The following ARF1 variants were observed in gnomAD, a reference collection of about 807,000 sequenced individuals.
The protein encoded by ARF1 is ADP-ribosylation factor 1.
In ARF1, 1 loss-of-function variant was observed where a neutral mutation model predicts 18.0. That is an observed-to-expected ratio of 0.06 (90% CI 0.02 to 0.26). The LOEUF (loss-of-function observed/expected upper bound fraction) is 0.26. Among genes scored for constraint, ARF1 ranks in the 10% least tolerant of loss-of-function variants. The probability of loss-of-function intolerance (pLI) is 1.00; values close to 1 mark genes in which losing one functional copy is unlikely to be tolerated. For missense variants in ARF1, 73 were observed against 247.2 expected, an observed-to-expected ratio of 0.30 and a Z score of 4.73; for synonymous variants, 112 against 96.3, an observed-to-expected ratio of 1.16 and a Z score of -0.95.
rs529619815 is a variant in ARF1, at chr1:228,097,832, C to G, written c.385-20C>G. On this transcript the variant is annotated intron_variant, in intron 4 of 4. Transcript: ENST00000272102. The surrounding 1 kb of genome is among the most constrained non-coding windows in gnomAD (Gnocchi z 8.1). ...TCTGTCCTGTGGACAGCCCTTCCCA[C>G]CAACCCTTCCTTCCCCCAGGACCTC... The G allele has an allele frequency of 6.2e-7, 1 of 1,609,380 alleles. No homozygotes were observed. The highest frequency in any genetic ancestry group is 1.3e-5 in the African/African-American group (1 of 74,908).
chr1:228,095,299 G>A (rs376065457), intron 1 of ARF1, among the ~76,000 whole-genome samples: 8 of 151,516 alleles, frequency 5.3e-5, no homozygotes, highest in Non-Finnish European at 1.2e-4. Context: ...GGGGGTGGGC[G>A]GAGCTCCAGT....
chr1:228,097,742 T>C lies in ARF1; in HGVS notation c.384+27T>C, dbSNP rs752915360. The C allele has an allele frequency of 2.5e-6, 4 of 1,595,154 alleles. No homozygotes were observed. The highest frequency in any genetic ancestry group is 4.5e-5 in the East Asian group (2 of 44,744). On this transcript the variant is annotated intron_variant, in intron 4 of 4. Coordinates refer to ENST00000272102, the MANE Select transcript of ARF1 (RefSeq NM_001658.4). This position sits in a 1 kb window ranked among gnomAD's most constrained non-coding sequence, Gnocchi z 8.1. ...TAGGCGCCCGGGCCAGCCTGGGGAA[T>C]GTGAGGAGCCAGTGTGGGTTCCGCC...
Position 228,098,081 on chromosome 1 carries a change from G to T in ARF1, c.*68G>T. 2 of 1,528,974 alleles carry T rather than the reference G, an allele frequency of 1.3e-6. No homozygotes were observed. Among genetic ancestry groups the T allele is most frequent in the Non-Finnish European group, 1.8e-6 (2 of 1,132,132 alleles). 94.7% of individuals were successfully genotyped at this position (1,528,974 alleles called of 1,614,324 possible). ...CTCTCATGTGGCAAACGTGCGGCTC[G>T]TGGTGTGAGTGCCAGAAGCTGCCTC... is the stretch of plus-strand genomic sequence containing the variant. On this transcript the variant is annotated 3_prime_UTR_variant, in exon 5 of 5. Coordinates refer to ENST00000272102, the MANE Select transcript of ARF1 (RefSeq NM_001658.4).
In ARF1 at chr1:228,097,512, C is replaced by T; in HGVS notation, c.259+60C>T. 6.2e-7 allele frequency: 1 copy of T among 1,613,738 alleles called. No homozygotes were observed. Among genetic ancestry groups the T allele is most frequent in the Non-Finnish European group, 8.5e-7 (1 of 1,179,836 alleles). Reference sequence around the variant, plus strand: ...TGCTTCTAGAGAGGGGGGGCCAGCCCATAGATGGGGCATCGATGCCCATAG... The same window carrying T: ...TGCTTCTAGAGAGGGGGGGCCAGCCTATAGATGGGGCATCGATGCCCATAG... On this transcript the variant is annotated intron_variant, in intron 3 of 4. Transcript: ENST00000272102. The surrounding 1 kb of genome is among the most constrained non-coding windows in gnomAD (Gnocchi z 8.1).
At chr1:228,084,304 T>C (rs914886157) in intron 1 of ARF1, among the ~76,000 whole-genome samples, 4 of 152,368 alleles carry the variant, frequency 2.6e-5, no homozygotes, top group Admixed American at 6.5e-5. Flanking sequence ...ACACATCTCA[T>C]TGGACACATT....
At chr1:228,088,626 A>G (rs1362258012) in intron 1 of ARF1, among the ~76,000 whole-genome samples, 1 of 152,258 alleles carries the variant, frequency 6.6e-6, no homozygotes, top group Admixed American at 6.5e-5. Flanking sequence ...TCAGAATCAC[A>G]GCAAGAATTC....
chr1:228,088,048 G>GGC (rs1324049942), intron 1 of ARF1: 1 of 152,290 alleles, frequency 6.6e-6, no homozygotes, highest in Non-Finnish European at 1.5e-5. Context: ...GAGGGTGGGA[G>GGC]GCTGGGGAGG....
intron 1 of ARF1, among the ~76,000 whole-genome samples, chr1:228,096,827 T>C (rs1224619179): frequency 6.6e-6 from 1 of 152,220 alleles, no homozygotes; most frequent in Non-Finnish European, 1.5e-5. Context: ...AGGCAGCCTT[T>C]CTGGCCATGC....
At chr1:228,091,927 T>A (rs1385795089) in intron 1 of ARF1, among the ~76,000 whole-genome samples, 1 of 152,104 alleles carries the variant, frequency 6.6e-6, no homozygotes, top group African/African-American at 2.4e-5. Context: ...GTGTGGGACA[T>A]GAACACAGGC....
chr1:228,092,905 A>G (rs1325938887), intron 1 of ARF1, among the ~76,000 whole-genome samples: 1 of 152,200 alleles, frequency 6.6e-6, no homozygotes, highest in East Asian at 1.9e-4. Flanking sequence ...GTGTCGGGGA[A>G]TGTAGCTGCC....
At chr1:228,084,130 T>C (rs1422871401) in intron 1 of ARF1, among the ~76,000 whole-genome samples, 1 of 152,238 alleles carries the variant, frequency 6.6e-6, no homozygotes, top group African/African-American at 2.4e-5. Flanking sequence ...CCCTCTGCTG[T>C]TGCGTTAGCC....
chr1:228,086,158 A>G (rs149597044), intron 1 of ARF1, among the ~76,000 whole-genome samples: 50 of 152,346 alleles, frequency 3.3e-4, no homozygotes, highest in African/African-American at 1.2e-3. Context: ...CAGCATCTAC[A>G]GCCCCGTGTT....
intron 1 of ARF1, chr1:228,091,050 C>T (rs1443902349): frequency 1.3e-5 from 2 of 152,182 alleles, no homozygotes; most frequent in Non-Finnish European, 2.9e-5. Flanking sequence ...TACCAAGAAG[C>T]AAGAAATACA....
Position 228,097,319 on chromosome 1 carries a change from C to T in ARF1, c.149-23C>T. The stretch of plus-strand genomic sequence containing the variant: ...GCTGGGCTGGGCCAAGGTACAAGGC[C>T]TCACCCTGCATCCCGCACCCAGGCT... On this transcript the variant is annotated intron_variant, in intron 2 of 4. Transcript: ENST00000272102. The surrounding 1 kb of genome is among the most constrained non-coding windows in gnomAD (Gnocchi z 8.1). The T allele has an allele frequency of 1.2e-6, 2 of 1,612,500 alleles. No homozygotes were observed. Among genetic ancestry groups the T allele is most frequent in the Non-Finnish European group, 1.7e-6 (2 of 1,179,130 alleles).
In ARF1 at chr1:228,089,513, C is replaced by T. The variant is rs1264346232; in HGVS notation, c.-38+6748C>T. ...TTCGCTTTTGATTTCTCTGGAAGAG[C>T]AAGTCTTTGTGTGGTGTTTCCCCTC... On this transcript the variant is annotated intron_variant, in intron 1 of 4. Transcript: ENST00000272102. This position sits in a 1 kb window ranked among gnomAD's most constrained non-coding sequence, Gnocchi z 4.1. Among the ~76,000 whole-genome samples the T allele has an allele frequency of 6.6e-6, 1 of 152,252 alleles. No individual in the cohort carries two copies. Among genetic ancestry groups the T allele is most frequent in the African/African-American group, 2.4e-5 (1 of 41,470 alleles).
rs1390985720 is a variant in ARF1, at chr1:228,098,103, C to T, written c.*90C>T. 1 of 1,493,014 alleles carries T rather than the reference C, an allele frequency of 6.7e-7. No individual in the cohort carries two copies. Among genetic ancestry groups the T allele is most frequent in the African/African-American group, 1.4e-5 (1 of 71,732 alleles). 92.5% of individuals were successfully genotyped at this position (1,493,014 alleles called of 1,614,324 possible). A position where few individuals can be genotyped will look rare whatever the true frequency, so the allele number is the denominator to read the frequency against. ...CTCGTGGTGTGAGTGCCAGAAGCTG[C>T]CTCCGTGGTTTGGTCACCGTGTGCA... On this transcript the variant is annotated 3_prime_UTR_variant, in exon 5 of 5. Transcript: ENST00000272102.
In ARF1 at chr1:228,097,908, A is replaced by G. The variant is rs143714855; in HGVS notation, c.441A>G (p.Ser147=). ...AEITDKLGLH[S]LRHRNWYIQA... is the part of the protein sequence containing the mutation. ...TCACAGACAAGCTGGGGCTGCACTC[A>G]CTACGCCACAGGAACTGGTACATTC... The change falls in exon 5 of 5, where the codon TCA becomes TCG. Residue 147 remains serine (S), a synonymous_variant. Coordinates refer to ENST00000272102, the MANE Select transcript of ARF1 (RefSeq NM_001658.4). The surrounding 1 kb of genome is among the most constrained non-coding windows in gnomAD (Gnocchi z 8.1). The G allele has an allele frequency of 5.0e-4, 811 of 1,614,074 alleles. 4 individuals carry two copies. In the African/African-American group the frequency reaches 9.8e-3, roughly 20 times the overall value.
intron 1 of ARF1, 116 bp from the exon 2 acceptor site, chr1:228,096,962 T>C (rs2032766591): frequency 1.0e-6 from 1 of 953,228 alleles, no homozygotes. Flanking sequence ...TTTCCCTGTT[T>C]CCCTGCAGGC....
Position 228,089,050 on chromosome 1 carries a change from TG to T in ARF1, c.-38+6289del, listed in dbSNP as rs948638939. 6.6e-6 allele frequency among the ~76,000 whole-genome samples: 1 copy of T among 152,070 alleles called. No homozygotes were observed. The highest frequency in any genetic ancestry group is 1.5e-5 in the Non-Finnish European group (1 of 68,010). On this transcript the variant is annotated intron_variant, in intron 1 of 4. Transcript: ENST00000272102. This position sits in a 1 kb window ranked among gnomAD's most constrained non-coding sequence, Gnocchi z 4.1. ...GGAGGCTGGAGACGGGGTTCTTGCC[TG>T]GGGAACAGGAGGGAGGCTACTCGCA... is the stretch of plus-strand genomic sequence containing the variant.
Sources: allele counts gnomAD v4.1 joint callset (sites outside exome capture counted in the v4.1 genomes callset), GRCh38; gene constraint gnomAD v4.1.1; non-coding constraint Gnocchi (gnomAD v3.1); transcripts MANE v1.5; gene names NCBI Gene and HGNC (gene_info 2026-07-23, HGNC 2026-07-21).